Variants in HS3ST4 observed in about 807,000 individuals in gnomAD.
HS3ST4 encodes heparan sulfate-glucosamine 3-sulfotransferase 4.
A neutral mutation model predicts 29.2 loss-of-function variants in HS3ST4; 17 were observed. The ratio of observed to expected loss-of-function variants is 0.58; its 90% confidence interval spans 0.40 to 0.87. The LOEUF is 0.87. Ranked by LOEUF, HS3ST4 falls within the 40% of genes least tolerant of loss-of-function variation. The pLI is 0.00. For synonymous variants in HS3ST4, 314 were observed against 285.7 expected, an observed-to-expected ratio of 1.10 and a Z score of -1.00; for missense variants, 627 against 634.5, an observed-to-expected ratio of 0.99 and a Z score of 0.13.
At chr16:25,845,883 A>G (rs370849572) in intron 1 of HS3ST4, among the ~76,000 whole-genome samples, 4 of 152,052 alleles carry the variant, frequency 2.6e-5, no homozygotes, top group African/African-American at 7.2e-5. Flanking sequence ...TGCATTATCT[A>G]TTCGGACCTT....
At chr16:26,009,358 A>C (rs1481595778) in intron 1 of HS3ST4, among the ~76,000 whole-genome samples, 1 of 152,230 alleles carries the variant, frequency 6.6e-6, no homozygotes, top group African/African-American at 2.4e-5. Context: ...ATCTGATTTT[A>C]CTCATTGTTC....
chr16:26,096,588 A>G (rs1898929233), intron 1 of HS3ST4, among the ~76,000 whole-genome samples: 1 of 152,188 alleles, frequency 6.6e-6, no homozygotes, highest in Non-Finnish European at 1.5e-5. Flanking sequence ...TATTGATAGA[A>G]CGTATCTCAA....
chr16:25,835,492 GA>G (rs34505838), intron 1 of HS3ST4, among the ~76,000 whole-genome samples: 9 of 150,942 alleles, frequency 6.0e-5, no homozygotes, highest in East Asian at 3.9e-4. Flanking sequence ...GACAGATGAT[GA>G]AAAAAAAAAT....
chr16:26,012,000 G>A (rs1353387108), intron 1 of HS3ST4, among the ~76,000 whole-genome samples: 1 of 152,162 alleles, frequency 6.6e-6, no homozygotes, highest in African/African-American at 2.4e-5. Flanking sequence ...GGACTATAAA[G>A]TTGGGAAACA....
chr16:25,966,282 G>T (rs1050600584), intron 1 of HS3ST4, among the ~76,000 whole-genome samples: 8 of 152,146 alleles, frequency 5.3e-5, no homozygotes, highest in Non-Finnish European at 8.8e-5. Flanking sequence ...ATTATGCTAT[G>T]TCTGCCTCTA....
At chr16:25,878,932 G>A (rs768176834) in intron 1 of HS3ST4, among the ~76,000 whole-genome samples, 2 of 152,114 alleles carry the variant, frequency 1.3e-5, no homozygotes, top group Non-Finnish European at 2.9e-5. Flanking sequence ...CTCTCAGAAG[G>A]GCTAAAGGAA....
At chr16:25,881,110 T>C (rs1967890988) in intron 1 of HS3ST4, among the ~76,000 whole-genome samples, 1 of 152,168 alleles carries the variant, frequency 6.6e-6, no homozygotes, top group Non-Finnish European at 1.5e-5. Flanking sequence ...GCTGGAAATT[T>C]AGGGAAGGGA....
intron 1 of HS3ST4, among the ~76,000 whole-genome samples, chr16:26,013,000 T>C (rs1043195275): frequency 6.6e-6 from 1 of 151,850 alleles, no homozygotes; most frequent in African/African-American, 2.4e-5. Flanking sequence ...CCATCTCTAC[T>C]AAAAATACAA....
chr16:25,830,500 C>G (rs1229774670), intron 1 of HS3ST4, among the ~76,000 whole-genome samples: 1 of 152,192 alleles, frequency 6.6e-6, no homozygotes, highest in Admixed American at 6.5e-5. Flanking sequence ...GCTCTGACCC[C>G]TCTGACTACT....
At chr16:26,119,682 T>G (rs1230992775) in intron 1 of HS3ST4, among the ~76,000 whole-genome samples, 1 of 152,220 alleles carries the variant, frequency 6.6e-6, no homozygotes, top group Non-Finnish European at 1.5e-5. Context: ...CCCTCCTTTC[T>G]TTCTCCTTCT....
At chr16:25,850,073 C>T (rs1349050726) in intron 1 of HS3ST4, among the ~76,000 whole-genome samples, 1 of 147,728 alleles carries the variant, frequency 6.8e-6, no homozygotes, top group Non-Finnish European at 1.5e-5. Flanking sequence ...GATCTTGGCT[C>T]ACTGCAACCT....
intron 1 of HS3ST4, among the ~76,000 whole-genome samples, chr16:25,813,147 T>G (rs1373034463): frequency 1.6e-4 from 25 of 152,136 alleles, no homozygotes; most frequent in Non-Finnish European, 1.5e-5. Flanking sequence ...AACAGACACT[T>G]TATAAAAGAA....
At chr16:26,059,987 C>G (rs1898456076) in intron 1 of HS3ST4, among the ~76,000 whole-genome samples, 1 of 152,030 alleles carries the variant, frequency 6.6e-6, no homozygotes, top group African/African-American at 2.4e-5. Context: ...ACTGTGTTGG[C>G]CAGGCTGGTC....
At chr16:25,750,355 T>C (rs1966711126) in intron 1 of HS3ST4, among the ~76,000 whole-genome samples, 1 of 152,182 alleles carries the variant, frequency 6.6e-6, no homozygotes, top group East Asian at 1.9e-4. Flanking sequence ...TCACGTACCA[T>C]CATTTCATAC....
chr16:25,918,739 A>G (rs943465857), intron 1 of HS3ST4, among the ~76,000 whole-genome samples: 2 of 152,216 alleles, frequency 1.3e-5, no homozygotes, highest in African/African-American at 2.4e-5. Flanking sequence ...TGGGAGGCAC[A>G]GGTTGCAGTG....
In HS3ST4 at chr16:25,784,743, G is replaced by T. The variant is rs118105597; in HGVS notation, c.734+91592G>T. Among the ~76,000 whole-genome samples the T allele has an allele frequency of 9.1e-3, 1,386 of 152,316 alleles. 14 individuals are homozygous for T. The highest frequency in any genetic ancestry group is 0.012 in the Non-Finnish European group (822 of 68,024). On this transcript the variant is annotated intron_variant, in intron 1 of 1. Transcript: ENST00000331351. ...CCATAACATAAAAATGCGAGGTAAAGCAGCAAGTGCTGATGTAGAAGCTGC... is the reference window on the plus strand; with the variant it reads ...CCATAACATAAAAATGCGAGGTAAATCAGCAAGTGCTGATGTAGAAGCTGC...
At chr16:25,736,343 A>G (rs534965484) in intron 1 of HS3ST4, among the ~76,000 whole-genome samples, 1 of 152,340 alleles carries the variant, frequency 6.6e-6, no homozygotes, top group African/African-American at 2.4e-5. Context: ...ACCTTGCCAT[A>G]TGAAGTCACT....
intron 1 of HS3ST4, among the ~76,000 whole-genome samples, chr16:25,774,364 G>A (rs779806177): frequency 1.3e-5 from 2 of 152,168 alleles, no homozygotes; most frequent in Non-Finnish European, 2.9e-5. Context: ...TCATTTTATA[G>A]TTGGTAAAAC....
intron 1 of HS3ST4, among the ~76,000 whole-genome samples, chr16:25,886,267 A>T (rs1405618115): frequency 6.6e-6 from 1 of 151,946 alleles, no homozygotes; most frequent in Non-Finnish European, 1.5e-5. Flanking sequence ...TCCTGACCCC[A>T]AGTGATCCGC....
Sources: gnomAD v4.1 joint callset for allele counts (sites outside exome capture counted in the v4.1 genomes callset) on GRCh38, gnomAD v4.1.1 for gene constraint, MANE v1.5 for transcripts, NCBI Gene and HGNC (gene_info 2026-07-23, HGNC 2026-07-21) for gene names.